KIAA1217: variants seen among roughly 807,000 people sequenced by gnomAD.
KIAA1217 encodes KIAA1217.
In KIAA1217, 88 loss-of-function variants were observed where a neutral mutation model predicts 163.9. The ratio of observed to expected loss-of-function variants is 0.54; its 90% CI spans 0.45 to 0.64. The LOEUF (loss-of-function observed/expected upper bound fraction) is 0.64. Ranked by LOEUF, KIAA1217 falls within the 30% of genes least tolerant of loss-of-function variation. The probability of loss-of-function intolerance (pLI) is 0.00; values close to 1 mark genes in which losing one functional copy is unlikely to be tolerated. For missense variants in KIAA1217, 2,372 were observed against 2,475.0 expected (o/e 0.96, Z 0.88); for synonymous variants, 903 against 923.1 (o/e 0.98, Z 0.39).
At chr10:24,297,921 G>A (rs1430768867) in intron 2 of KIAA1217, among the ~76,000 whole-genome samples, 2 of 151,510 alleles carry the variant, frequency 1.3e-5, no homozygotes, top group Non-Finnish European at 2.9e-5. Context: ...AAAGGCCAGG[G>A]ATACTAGATA....
chr10:23,794,995 C>T (rs1836131578), intron 1 of KIAA1217, among the ~76,000 whole-genome samples: 1 of 152,188 alleles, frequency 6.6e-6, no homozygotes, highest in South Asian at 2.1e-4. Flanking sequence ...TGGGAAGCCC[C>T]AGGGCTTTCT....
At chr10:24,450,244 T>C (rs1175073872) in intron 5 of KIAA1217, among the ~76,000 whole-genome samples, 1 of 152,244 alleles carries the variant, frequency 6.6e-6, no homozygotes, top group Non-Finnish European at 1.5e-5. Context: ...ATTTGGTGTT[T>C]TGTTCTTGTG....
intron 2 of KIAA1217, among the ~76,000 whole-genome samples, chr10:24,304,033 A>T (rs966373305): frequency 3.9e-5 from 6 of 152,106 alleles, no homozygotes; most frequent in Non-Finnish European, 7.4e-5. Context: ...AATATAAGTA[A>T]ATTAGCATAA....
chr10:24,065,180 G>C (rs2060889492), intron 2 of KIAA1217, among the ~76,000 whole-genome samples: 1 of 152,096 alleles, frequency 6.6e-6, no homozygotes, highest in Non-Finnish European at 1.5e-5. Flanking sequence ...CTTGCCTTCT[G>C]CTAGCTTTTG....
intron 2 of KIAA1217, chr10:24,255,379 C>A: frequency 3.0e-6 from 1 of 335,316 alleles, no homozygotes; most frequent in Non-Finnish European, 6.0e-6. Context: ...GGCCTGCTTG[C>A]TGGGAGAATG....
At chr10:24,130,197 T>G (rs2063602918) in intron 2 of KIAA1217, among the ~76,000 whole-genome samples, 1 of 152,170 alleles carries the variant, frequency 6.6e-6, no homozygotes, top group Non-Finnish European at 1.5e-5. Context: ...AGACAGAGTT[T>G]CACTCTGTCT....
chr10:24,076,503 T>G (rs1176695022), intron 2 of KIAA1217, among the ~76,000 whole-genome samples: 4 of 152,208 alleles, frequency 2.6e-5, no homozygotes, highest in Non-Finnish European at 5.9e-5. Context: ...GAAGATGCCC[T>G]GCTCCTGCCT....
intron 2 of KIAA1217, among the ~76,000 whole-genome samples, chr10:24,265,829 A>G (rs1489663984): frequency 6.6e-6 from 1 of 152,196 alleles, no homozygotes; most frequent in Admixed American, 6.5e-5. Flanking sequence ...GGTGAGTAGT[A>G]AGAAAAGATA....
chr10:23,901,825 C>T lies in KIAA1217; in HGVS notation c.-320-105400C>T, dbSNP rs569046201. ...ACTCAGGAGCCTTAACCAGGAGAAT[C>T]GTTTGAACCTGGGAGGTGGAGATTG... On this transcript the variant is annotated intron_variant, in intron 1 of 18. Coordinates refer to the KIAA1217 transcript ENST00000376462. Among the ~76,000 whole-genome samples, 11 of 148,594 alleles carry T rather than the reference C, an allele frequency of 7.4e-5. No individual in the cohort carries two copies. In the East Asian group the frequency reaches 1.6e-3, roughly 22 times the overall value.
intron 2 of KIAA1217, among the ~76,000 whole-genome samples, chr10:24,357,845 GT>G (rs2049322114): frequency 6.6e-6 from 1 of 152,172 alleles, no homozygotes. Context: ...TGGCTGGAGT[GT>G]GATTGGTGTC....
chr10:24,545,557 G>C (rs1276159792), intron 20 of KIAA1217: 2 of 1,345,112 alleles, frequency 1.5e-6, no homozygotes, highest in Non-Finnish European at 1.9e-6. Context: ...TGGCCCACCT[G>C]GCACACAGGA....
chr10:24,376,513 A>G (rs191698671), intron 2 of KIAA1217, among the ~76,000 whole-genome samples: 4 of 152,334 alleles, frequency 2.6e-5, no homozygotes, highest in African/African-American at 9.6e-5. Context: ...CTGTAATCCT[A>G]GCACTTTGGG....
At chr10:24,538,733 T>G (rs796768188) in intron 17 of KIAA1217, among the ~76,000 whole-genome samples, 22 of 24,046 alleles carry the variant, frequency 9.1e-4, no homozygotes, top group African/African-American at 2.6e-3. Context: ...TTGTTTTTGG[T>G]TTTTTTTTTT....
At chr10:24,160,856 A>C (rs1198713420) in intron 2 of KIAA1217, among the ~76,000 whole-genome samples, 1 of 152,194 alleles carries the variant, frequency 6.6e-6, no homozygotes, top group Non-Finnish European at 1.5e-5. Flanking sequence ...CAACTTTTGC[A>C]CTTCCTGACT....
At chr10:23,862,581 A>T (rs1421239783) in intron 1 of KIAA1217, among the ~76,000 whole-genome samples, 1 of 152,150 alleles carries the variant, frequency 6.6e-6, no homozygotes, top group African/African-American at 2.4e-5. Context: ...GTAATTACTT[A>T]TACTTTTATC....
At chr10:24,535,384 G>T (rs2073852576) in intron 16 of KIAA1217, among the ~76,000 whole-genome samples, 1 of 152,154 alleles carries the variant, frequency 6.6e-6, no homozygotes, top group South Asian at 2.1e-4. Flanking sequence ...ACTGAGGGAG[G>T]ACATACATTA....
At chr10:24,335,645 T>G (rs2133685020) in intron 2 of KIAA1217, among the ~76,000 whole-genome samples, 1 of 149,088 alleles carries the variant, frequency 6.7e-6, no homozygotes, top group East Asian at 2.0e-4. Context: ...AGTCTCGTTC[T>G]GTCGCCCAGG....
chr10:23,853,293 T>A (rs1429514638), intron 1 of KIAA1217, among the ~76,000 whole-genome samples: 2 of 152,200 alleles, frequency 1.3e-5, no homozygotes, highest in Non-Finnish European at 2.9e-5. Context: ...TGTCTTTGGT[T>A]CTGTTTATAT....
chr10:24,077,946 G>T (rs956596514), intron 2 of KIAA1217, among the ~76,000 whole-genome samples: 7 of 152,250 alleles, frequency 4.6e-5, no homozygotes, highest in African/African-American at 1.7e-4. Context: ...GATCAGTGGT[G>T]TTGAGCTTTT....
Sources: allele counts gnomAD v4.1 joint callset (sites outside exome capture counted in the v4.1 genomes callset), GRCh38; gene constraint gnomAD v4.1.1; transcripts MANE v1.5; gene names NCBI Gene and HGNC (gene_info 2026-07-23, HGNC 2026-07-21).